Variants in AGFG1 observed in about 807,000 individuals in gnomAD.
AGFG1 encodes the protein ArfGAP with FG repeats 1.
In AGFG1, 10 loss-of-function variants were observed where a neutral mutation model predicts 60.6. That is an observed-to-expected ratio of 0.16 (90% CI 0.10 to 0.28). The LOEUF (loss-of-function observed/expected upper bound fraction) is 0.28, where lower values mean the gene tolerates loss of function less well. AGFG1 is among the 10% of genes least tolerant of loss of function. The pLI is 1.00. For synonymous variants in AGFG1, 247 were observed against 242.9 expected (o/e 1.02, Z -0.16); for missense variants, 537 against 676.5 (o/e 0.79, Z 2.29).
At chr2:227,484,677 G>GTTTTTTTTTTTGT (rs34405103) in intron 1 of AGFG1, among the ~76,000 whole-genome samples, 1 of 115,908 alleles carries the variant, frequency 8.6e-6, no homozygotes, top group Non-Finnish European at 1.7e-5. Flanking sequence ...AGATCTCTTA[G>GTTTTTTTTTTTGT]TTTTTTTTTT....
chr2:227,532,702 T>C (rs866417788), intron 6 of AGFG1, among the ~76,000 whole-genome samples: 18 of 152,276 alleles, frequency 1.2e-4, no homozygotes, highest in Middle Eastern at 3.4e-3. Flanking sequence ...GTATATATAC[T>C]GTTTTGATTT....
intron 7 of AGFG1, among the ~76,000 whole-genome samples, chr2:227,534,162 A>G (rs574512261): frequency 2.0e-5 from 3 of 152,188 alleles, no homozygotes; most frequent in Admixed American, 1.3e-4. Context: ...TAAAAAAAAA[A>G]ATTCATGAAT....
At chr2:227,524,054 T>A in intron 4 of AGFG1, 129 bp downstream of exon 4, 1 of 949,906 alleles carries the variant, frequency 1.1e-6, no homozygotes, top group Non-Finnish European at 1.5e-6. Flanking sequence ...TGGTTTGTTA[T>A]ACATTAAGAA....
At chr2:227,523,129 C>T (rs1192253505) in intron 3 of AGFG1, among the ~76,000 whole-genome samples, 1 of 152,176 alleles carries the variant, frequency 6.6e-6, no homozygotes, top group Non-Finnish European at 1.5e-5. Flanking sequence ...GCACAAAGCA[C>T]ACCTATTTAT....
chr2:227,541,369 G>T (rs948386828), intron 10 of AGFG1, among the ~76,000 whole-genome samples: 3 of 152,144 alleles, frequency 2.0e-5, no homozygotes, highest in Admixed American at 6.6e-5. Flanking sequence ...ATTAATTTTT[G>T]TACAAGGTGT....
chr2:227,552,154 T>C (rs759736473), intron 11 of AGFG1, 37 bp downstream of exon 11: 2 of 1,611,290 alleles, frequency 1.2e-6, no homozygotes, highest in South Asian at 2.2e-5. Context: ...AAGTTCATTT[T>C]ATGTATCCTT....
chr2:227,472,932 T>TCCA (rs1232634974), intron 1 of AGFG1, among the ~76,000 whole-genome samples: 2 of 133,138 alleles, frequency 1.5e-5, no homozygotes, highest in Admixed American at 8.1e-5. Context: ...GCCCTCGCTC[T>TCCA]CCAGCTACCC....
intron 2 of AGFG1, among the ~76,000 whole-genome samples, 185 bp downstream of exon 2, chr2:227,491,825 A>G (rs1326702201): frequency 6.6e-6 from 1 of 152,228 alleles, no homozygotes; most frequent in Non-Finnish European, 1.5e-5. Context: ...TTTACTACAT[A>G]AACACTTTAC....
intron 3 of AGFG1, among the ~76,000 whole-genome samples, chr2:227,522,306 A>G (rs1416606403): frequency 2.0e-5 from 3 of 152,258 alleles, no homozygotes; most frequent in Non-Finnish European, 2.9e-5. Flanking sequence ...TTTTGAACCA[A>G]TAACTATCAT....
intron 10 of AGFG1, among the ~76,000 whole-genome samples, chr2:227,548,436 T>C (rs1223751955): frequency 6.6e-6 from 1 of 152,200 alleles, no homozygotes; most frequent in African/African-American, 2.4e-5. Flanking sequence ...GACTGAGGTA[T>C]AGTGATTAAT....
rs114143070 is a variant in AGFG1, at chr2:227,524,388, A to C, written c.541-374A>C. 3.4e-3 allele frequency among the ~76,000 whole-genome samples: 517 copies of C among 152,280 alleles called. 3 individuals are homozygous for C. The highest frequency in any genetic ancestry group is 0.012 in the African/African-American group (491 of 41,550). Reference sequence around the variant, plus strand: ...TGAAACACAAGGGACTTTGCATTATACCTTATTCTTAAAAATGAACAAAAT... The same window carrying C: ...TGAAACACAAGGGACTTTGCATTATCCCTTATTCTTAAAAATGAACAAAAT... On this transcript the variant is annotated intron_variant, in intron 4 of 12. Coordinates refer to ENST00000310078, the MANE Select transcript of AGFG1 (RefSeq NM_004504.5).
chr2:227,506,989 G>GT (rs958813098), intron 2 of AGFG1, among the ~76,000 whole-genome samples: 10 of 151,968 alleles, frequency 6.6e-5, no homozygotes, highest in Non-Finnish European at 1.0e-4. Flanking sequence ...GTTGTGTGGT[G>GT]TTTTTTTAAT....
intron 1 of AGFG1, among the ~76,000 whole-genome samples, chr2:227,481,704 T>G (rs1003263293): frequency 2.6e-5 from 4 of 152,178 alleles, no homozygotes; most frequent in Non-Finnish European, 4.4e-5. Context: ...TGTATGTATT[T>G]ATGAGGTACA....
At chr2:227,485,832 G>A (rs1357907120) in intron 1 of AGFG1, among the ~76,000 whole-genome samples, 1 of 151,814 alleles carries the variant, frequency 6.6e-6, no homozygotes, top group East Asian at 1.9e-4. Context: ...TTCATTTAAT[G>A]TTTCCTATAT....
chr2:227,528,862 G>T (rs146096397), intron 5 of AGFG1, among the ~76,000 whole-genome samples: 24 of 152,242 alleles, frequency 1.6e-4, no homozygotes, highest in African/African-American at 5.8e-4. Flanking sequence ...TTAATTGTAG[G>T]ATATGCAGTA....
intron 10 of AGFG1, among the ~76,000 whole-genome samples, chr2:227,546,357 C>T (rs554192079): frequency 3.5e-4 from 53 of 152,276 alleles, no homozygotes; most frequent in African/African-American, 1.0e-3. Context: ...AGTATTAGGG[C>T]GGGAGTGTCC....
chr2:227,491,739 C>G (rs1484388363), intron 2 of AGFG1, 99 bp downstream of exon 2: 1 of 625,948 alleles, frequency 1.6e-6, no homozygotes, highest in African/African-American at 1.9e-5. Flanking sequence ...ATTTCACGGT[C>G]TAAATAAGTT....
At chr2:227,477,838 G>C (rs1356661304) in intron 1 of AGFG1, among the ~76,000 whole-genome samples, 1 of 152,042 alleles carries the variant, frequency 6.6e-6, no homozygotes, top group East Asian at 1.9e-4. Flanking sequence ...TTGAACTTCT[G>C]ACCTCAGGTG....
intron 6 of AGFG1, among the ~76,000 whole-genome samples, 177 bp from the exon 7 acceptor site, chr2:227,533,372 C>T (rs925574141): frequency 2.6e-5 from 4 of 152,212 alleles, no homozygotes; most frequent in Admixed American, 6.5e-5. Context: ...TTTGAAAAAT[C>T]TACTTTTACA....
Sources: allele counts gnomAD v4.1 joint callset (sites outside exome capture counted in the v4.1 genomes callset), GRCh38; gene constraint gnomAD v4.1.1; transcripts MANE v1.5; gene names NCBI Gene and HGNC (gene_info 2026-07-23, HGNC 2026-07-21).